The following FEZ2 variants were observed in gnomAD, a reference collection of about 807,000 sequenced individuals.
The protein encoded by FEZ2 is fasciculation and elongation protein zeta-2.
In FEZ2, 51 loss-of-function variants were observed where a neutral mutation model predicts 40.4. That is an observed-to-expected ratio of 1.26 (90% CI 1.01 to 1.59). The LOEUF (loss-of-function observed/expected upper bound fraction) is 1.59, where lower values mean the gene tolerates loss of function less well. Ranked by LOEUF, FEZ2 falls within the 40% of genes most tolerant of loss-of-function variation. FEZ2 has a pLI of 0.00. For synonymous variants in FEZ2, 242 were observed against 172.0 expected, an observed-to-expected ratio of 1.41 and a Z score of -3.18; for missense variants, 640 against 438.3, an observed-to-expected ratio of 1.46 and a Z score of -4.11.
chr2:36,572,632 A>G (rs1016620463), intron 5 of FEZ2, among the ~76,000 whole-genome samples: 1 of 152,220 alleles, frequency 6.6e-6, no homozygotes, highest in Non-Finnish European at 1.5e-5. Flanking sequence ...GCTGTGTTCC[A>G]GTAAAACTGT....
At chr2:36,595,754 C>T (rs13396898) in intron 1 of FEZ2, among the ~76,000 whole-genome samples, 43,007 of 152,090 alleles carry the variant, frequency 0.28, 6,585 homozygotes, top group Middle Eastern at 0.35. Context: ...CCAGTGATGA[C>T]CAGCTCCCAA....
At chr2:36,566,467 T>G (rs1027806734) in intron 5 of FEZ2, among the ~76,000 whole-genome samples, 3 of 151,968 alleles carry the variant, frequency 2.0e-5, no homozygotes, top group Non-Finnish European at 2.9e-5. Context: ...TCAACTCAAG[T>G]TCTCAAAATC....
chr2:36,581,708 G>C (rs1335065379), intron 3 of FEZ2: 2 of 316,374 alleles, frequency 6.3e-6, no homozygotes, highest in East Asian at 6.6e-5. Context: ...GTCTTGCAAA[G>C]TCTAGGTAAT....
intron 5 of FEZ2, among the ~76,000 whole-genome samples, chr2:36,573,760 A>G (rs542896531): frequency 6.6e-6 from 1 of 152,366 alleles, no homozygotes; most frequent in African/African-American, 2.4e-5. Flanking sequence ...GCATATAAAC[A>G]TAATAGGCAA....
At chr2:36,595,852 A>G (rs1441677252) in intron 1 of FEZ2, among the ~76,000 whole-genome samples, 1 of 152,242 alleles carries the variant, frequency 6.6e-6, no homozygotes, top group Non-Finnish European at 1.5e-5. Context: ...TACCATTAAC[A>G]AGAGCGACAA....
At chr2:36,572,372 T>C (rs3770796) in intron 5 of FEZ2, among the ~76,000 whole-genome samples, 39,149 of 152,184 alleles carry the variant, frequency 0.26, 5,571 homozygotes, top group South Asian at 0.42. Flanking sequence ...AGTAACCTTT[T>C]AAATACAAAC....
In FEZ2 at chr2:36,552,305, C is replaced by G. The variant is rs548636718; in HGVS notation, c.*858G>C. On this transcript the variant is annotated 3_prime_UTR_variant, in exon 8 of 8. Transcript: ENST00000405912. ...TTAAATGCCATTGATTTGACTGGAA[C>G]CAGCAAAAGTGCTCATGATATTGAT... The G allele has an allele frequency of 4.5e-5, 19 of 422,648 alleles. No homozygotes were observed. The East Asian group carries it at 1.3e-3, about 28-fold the overall frequency. The allele number at this position is 422,648 out of a possible 1,614,324, so 26.2% of individuals were successfully genotyped here. A position where few individuals can be genotyped will look rare whatever the true frequency, so the allele number is the denominator to read the frequency against.
intron 2 of FEZ2, among the ~76,000 whole-genome samples, chr2:36,587,957 T>G (rs1291682657): frequency 6.6e-6 from 1 of 152,178 alleles, no homozygotes; most frequent in Non-Finnish European, 1.5e-5. Context: ...AATAGTCATG[T>G]CACAACAGAG....
intron 5 of FEZ2, among the ~76,000 whole-genome samples, chr2:36,573,248 G>A (rs1304978661): frequency 6.6e-6 from 1 of 152,102 alleles, no homozygotes; most frequent in East Asian, 1.9e-4. Context: ...TACTCAGAGG[G>A]TAACTATTCC....
chr2:36,558,593 G>A (rs577147078), intron 5 of FEZ2, 80 bp from the exon 6 acceptor site: 8 of 713,328 alleles, frequency 1.1e-5, no homozygotes, highest in Non-Finnish European at 1.8e-5. Flanking sequence ...TTACTAGAAG[G>A]TCTATCTGAT....
rs768827622 is a variant in FEZ2, at chr2:36,583,405, T to G, written c.440A>C (p.His147Pro). Residue 147 changes from histidine (H) to proline (P), a missense_variant, in exon 3 of 8, where the codon CAC (histidine) becomes CCC (proline). Physicochemically the swap from His to Pro is moderately conservative, Grantham distance 77 (BLOSUM62 -2). Coordinates refer to ENST00000405912, the MANE Select transcript of FEZ2 (RefSeq NM_005102.3). ...ATTAACACAGGAGACGATGATTGAG[T>G]GCATATCCAGCTGTTCTCTCAGCTC... ...DEELREQLDM[H>P]SIIVSCVNDE... is the part of the protein sequence containing the mutation. The G allele has an allele frequency of 2.5e-6, 4 of 1,609,982 alleles. No homozygotes were observed. Among genetic ancestry groups the G allele is most frequent in the Non-Finnish European group, 3.4e-6 (4 of 1,176,322 alleles).
chr2:36,566,316 G>C lies in FEZ2; in HGVS notation c.904-7803C>G, dbSNP rs142600436. 2.1e-3 allele frequency among the ~76,000 whole-genome samples: 309 copies of C among 147,538 alleles called. 1 individual carries two copies. The highest frequency in any genetic ancestry group is 7.5e-3 in the African/African-American group (297 of 39,426). On this transcript the variant is annotated intron_variant, in intron 5 of 7. Coordinates refer to ENST00000405912, the MANE Select transcript of FEZ2 (RefSeq NM_005102.3). ...GATCGCGCCACTGCACTCCACCCTG[G>C]ACGACAGAGCGAGACTCCGTCTCAA...
intron 2 of FEZ2, among the ~76,000 whole-genome samples, chr2:36,584,926 C>T (rs765940082): frequency 1.3e-5 from 2 of 152,148 alleles, no homozygotes; most frequent in Admixed American, 6.5e-5. Flanking sequence ...CAACACTGCA[C>T]GGTCCACCTA....
intron 5 of FEZ2, among the ~76,000 whole-genome samples, chr2:36,573,206 T>G (rs1458865970): frequency 6.6e-6 from 1 of 152,178 alleles, no homozygotes; most frequent in East Asian, 1.9e-4. Flanking sequence ...CAACCTTACA[T>G]GTGACATTCA....
intron 1 of FEZ2, among the ~76,000 whole-genome samples, chr2:36,592,996 T>C (rs1278939920): frequency 1.3e-5 from 2 of 152,184 alleles, no homozygotes; most frequent in Admixed American, 6.5e-5. Flanking sequence ...GCAATGTCTG[T>C]GGACTACTAA....
chr2:36,596,427 A>C (rs893996024), intron 1 of FEZ2, among the ~76,000 whole-genome samples: 2 of 152,216 alleles, frequency 1.3e-5, no homozygotes, highest in African/African-American at 2.4e-5. Context: ...GAGTCTCTCC[A>C]TCCCATCAAT....
At chr2:36,558,717 T>C (rs904647559) in intron 5 of FEZ2, 13 of 366,718 alleles carry the variant, frequency 3.5e-5, no homozygotes, top group Non-Finnish European at 5.9e-5. Flanking sequence ...ATTTGCTTCA[T>C]ACAAACCTAA....
intron 5 of FEZ2, among the ~76,000 whole-genome samples, chr2:36,567,012 G>A (rs1469045001): frequency 6.6e-6 from 1 of 152,134 alleles, no homozygotes; most frequent in East Asian, 1.9e-4. Flanking sequence ...TGGCAGAACT[G>A]CACAGCCAGA....
rs1473541169 is a variant in FEZ2, at chr2:36,552,629, A to G, written c.*534T>C. 1 of 229,520 alleles carries G rather than the reference A, an allele frequency of 4.4e-6. No individual in the cohort carries two copies. The highest frequency in any genetic ancestry group is 8.7e-6 in the Non-Finnish European group (1 of 115,104). The allele number at this position is 229,520 out of a possible 1,614,324, so 14.2% of individuals were successfully genotyped here. On this transcript the variant is annotated 3_prime_UTR_variant, in exon 8 of 8. Coordinates refer to ENST00000405912, the MANE Select transcript of FEZ2 (RefSeq NM_005102.3). ...CACCAACAGTTTCAATGTTAGCACT[A>G]AGTATTAAACCAAAGTAATGCATAT...
Sources: allele counts gnomAD v4.1 joint callset (sites outside exome capture counted in the v4.1 genomes callset), GRCh38; gene constraint gnomAD v4.1.1; transcripts MANE v1.5; gene names NCBI Gene and HGNC (gene_info 2026-07-23, HGNC 2026-07-21).